Variants in RBFOX1 observed in about 807,000 individuals in gnomAD.
RBFOX1 encodes the protein RNA binding protein fox-1 homolog 1.
In RBFOX1, 8 loss-of-function variants were observed where a neutral mutation model predicts 57.7. That is an observed-to-expected ratio of 0.14 (90% CI 0.08 to 0.25). The LOEUF is 0.25. RBFOX1 is among the 10% of genes least tolerant of loss of function. RBFOX1 has a pLI of 1.00. For synonymous variants in RBFOX1, 326 were observed against 222.4 expected (o/e 1.47, Z -4.15); for missense variants, 611 against 548.5 (o/e 1.11, Z -1.14).
intron 4 of RBFOX1, among the ~76,000 whole-genome samples, chr16:5,998,826 A>G (rs1455052905): frequency 3.3e-5 from 5 of 152,182 alleles, no homozygotes; most frequent in African/African-American, 9.7e-5. Context: ...TACGTATATA[A>G]ATTCACGTGT....
chr16:6,184,016 A>T (rs1489134791), intron 1 of RBFOX1, among the ~76,000 whole-genome samples: 1 of 152,124 alleles, frequency 6.6e-6, no homozygotes, highest in South Asian at 2.1e-4. Context: ...GGCTGGGGAG[A>T]CCGCACAATC....
chr16:7,629,497 G>A (rs1313225715), intron 10 of RBFOX1, among the ~76,000 whole-genome samples: 1 of 152,138 alleles, frequency 6.6e-6, no homozygotes, highest in Non-Finnish European at 1.5e-5. Context: ...AACTGGGGCG[G>A]TTGACCTTCC....
intron 2 of RBFOX1, among the ~76,000 whole-genome samples, chr16:6,599,635 A>G (rs1416446502): frequency 6.6e-6 from 1 of 152,120 alleles, no homozygotes; most frequent in African/African-American, 2.4e-5. Flanking sequence ...TTCCTTTACT[A>G]GTGACACTAA....
intron 1 of RBFOX1, among the ~76,000 whole-genome samples, chr16:6,163,095 T>C (rs765977469): frequency 6.6e-6 from 1 of 152,116 alleles, no homozygotes; most frequent in Non-Finnish European, 1.5e-5. Flanking sequence ...AGAAGGTTAA[T>C]TGTGAATCAC....
At chr16:5,805,170 A>C (rs904867615) in intron 3 of RBFOX1, among the ~76,000 whole-genome samples, 1 of 152,132 alleles carries the variant, frequency 6.6e-6, no homozygotes, top group South Asian at 2.1e-4. Flanking sequence ...GGATGGCACT[A>C]TGCAGTGATT....
chr16:6,531,149 T>C (rs1326132661), intron 2 of RBFOX1, among the ~76,000 whole-genome samples: 3 of 152,160 alleles, frequency 2.0e-5, no homozygotes, highest in African/African-American at 7.2e-5. Context: ...ATCCAGGTTG[T>C]TTCCCTGCTT....
chr16:5,835,780 C>G (rs373417578), intron 3 of RBFOX1, among the ~76,000 whole-genome samples: 5 of 152,210 alleles, frequency 3.3e-5, no homozygotes, highest in Non-Finnish European at 5.9e-5. Flanking sequence ...TATCTGATTA[C>G]TTATTCATCT....
intron 2 of RBFOX1, among the ~76,000 whole-genome samples, chr16:6,386,206 A>C (rs562333873): frequency 1.9e-4 from 29 of 152,284 alleles, no homozygotes; most frequent in African/African-American, 5.3e-4. Flanking sequence ...AAGTGCTCGG[A>C]TTACAGGCGT....
chr16:6,410,722 G>T (rs117897004), intron 2 of RBFOX1, among the ~76,000 whole-genome samples: 1 of 152,300 alleles, frequency 6.6e-6, no homozygotes, highest in East Asian at 1.9e-4. Context: ...TATCCAAGAG[G>T]AATTTGTATT....
At chr16:5,475,192 T>G (rs2069278769) in intron 2 of RBFOX1, among the ~76,000 whole-genome samples, 1 of 152,228 alleles carries the variant, frequency 6.6e-6, no homozygotes, top group South Asian at 2.1e-4. Context: ...TTCTGTCATT[T>G]AAAAAATTAT....
intron 4 of RBFOX1, among the ~76,000 whole-genome samples, chr16:5,959,515 G>C (rs547163994): frequency 7.9e-5 from 12 of 151,970 alleles, no homozygotes; most frequent in African/African-American, 2.9e-4. Flanking sequence ...GAGTGCATGG[G>C]GTAAGAAAAA....
At chr16:7,580,064 T>C in intron 6 of RBFOX1, 144 bp downstream of exon 6, 2 of 874,338 alleles carry the variant, frequency 2.3e-6, no homozygotes, top group South Asian at 1.8e-5. Flanking sequence ...TGCAGGTATA[T>C]TGTGGCTAGA....
chr16:7,230,546 G>T (rs928731457), intron 4 of RBFOX1, among the ~76,000 whole-genome samples: 2 of 152,112 alleles, frequency 1.3e-5, no homozygotes, highest in African/African-American at 4.8e-5. Context: ...AGCCTCCCCA[G>T]TCAATGAAGG....
At chr16:6,692,702 C>T (rs375870238) in intron 3 of RBFOX1, among the ~76,000 whole-genome samples, 3 of 152,048 alleles carry the variant, frequency 2.0e-5, no homozygotes, top group African/African-American at 7.2e-5. Context: ...AGTTGAAATG[C>T]CTACTATATA....
At chr16:5,908,859 G>T (rs1894240296) in intron 4 of RBFOX1, among the ~76,000 whole-genome samples, 1 of 151,868 alleles carries the variant, frequency 6.6e-6, no homozygotes, top group Non-Finnish European at 1.5e-5. Context: ...TTCATGAGTG[G>T]GATTAGTGTC....
chr16:6,665,351 C>A (rs1040165713), intron 3 of RBFOX1, among the ~76,000 whole-genome samples: 12 of 152,124 alleles, frequency 7.9e-5, no homozygotes, highest in Admixed American at 3.3e-4. Flanking sequence ...CGGTGGCTCA[C>A]GCCTATAATG....
At chr16:5,254,513 C>G (rs894677803) in intron 1 of RBFOX1, among the ~76,000 whole-genome samples, 4 of 152,186 alleles carry the variant, frequency 2.6e-5, no homozygotes, top group Non-Finnish European at 5.9e-5. Context: ...TCATATTTAT[C>G]TTGTGGTCTG....
intron 2 of RBFOX1, among the ~76,000 whole-genome samples, chr16:6,443,555 C>T (rs1300411849): frequency 3.9e-5 from 6 of 152,094 alleles, no homozygotes; most frequent in Non-Finnish European, 7.4e-5. Flanking sequence ...TTGAAAATAC[C>T]CAGTGTGCTC....
At chr16:6,367,743 A>G (rs2152885001) in intron 2 of RBFOX1, among the ~76,000 whole-genome samples, 1 of 104,636 alleles carries the variant, frequency 9.6e-6, no homozygotes, top group South Asian at 2.6e-4. Context: ...AATGATTGCA[A>G]TTGTTAAAAA....
Sources: allele counts gnomAD v4.1 joint callset (sites outside exome capture counted in the v4.1 genomes callset), GRCh38; gene constraint gnomAD v4.1.1; transcripts MANE v1.5; gene names NCBI Gene and HGNC (gene_info 2026-07-23, HGNC 2026-07-21).